ARHGAP32: variants seen among roughly 807,000 people sequenced by gnomAD.
ARHGAP32 encodes the protein rho GTPase-activating protein 32.
A neutral mutation model predicts 186.5 loss-of-function variants in ARHGAP32; 51 were observed. The observed-to-expected ratio is 0.27, with a 90% CI of 0.22 to 0.35. The LOEUF (loss-of-function observed/expected upper bound fraction) is 0.35, where lower values mean the gene tolerates loss of function less well. ARHGAP32 is among the 10% of genes least tolerant of loss of function. The pLI is 1.00. For missense variants in ARHGAP32, 2,186 were observed against 2,623.5 expected (o/e 0.83, Z 3.64); for synonymous variants, 950 against 964.3 (o/e 0.99, Z 0.27).
At chr11:129,104,541 A>T (rs1392821524) in intron 5 of ARHGAP32, among the ~76,000 whole-genome samples, 2 of 152,074 alleles carry the variant, frequency 1.3e-5, no homozygotes, top group East Asian at 3.8e-4. Flanking sequence ...AAGGAAGAGG[A>T]TAAAATTTTT....
At chr11:129,114,731 C>CT (rs1194250380) in intron 5 of ARHGAP32, among the ~76,000 whole-genome samples, 11 of 152,104 alleles carry the variant, frequency 7.2e-5, no homozygotes, top group Non-Finnish European at 5.9e-5. Context: ...TTAGAAATGG[C>CT]AAACAGGATT....
At chr11:129,248,561 G>C (rs1945135231) in intron 1 of ARHGAP32, among the ~76,000 whole-genome samples, 1 of 152,070 alleles carries the variant, frequency 6.6e-6, no homozygotes. Flanking sequence ...AAGCTAACTA[G>C]GACATTTTCC....
chr11:129,213,098 T>C (rs939219741), intron 1 of ARHGAP32, among the ~76,000 whole-genome samples: 3 of 152,156 alleles, frequency 2.0e-5, no homozygotes, highest in Admixed American at 1.3e-4. Flanking sequence ...TCAAATAAAA[T>C]ATAGTATAAG....
At position 128,978,672 on chromosome 11, in the gene ARHGAP32, G is replaced by A. The variant is rs181799888; in HGVS notation, c.2122+98C>T. The A allele has an allele frequency of 1.7e-5, 22 of 1,287,606 alleles. No individual in the cohort carries two copies. The Admixed American group carries it at 2.2e-4, about 13-fold the overall frequency. 79.8% of individuals were successfully genotyped at this position (1,287,606 alleles called of 1,614,324 possible). A position where few individuals can be genotyped will look rare whatever the true frequency, so the allele number is the denominator to read the frequency against. On this transcript the variant is annotated intron_variant, in intron 19 of 22. Transcript: ENST00000682385. ...GTATGTGTGACACAACTGTGAACACGTTATGGAAGCAGATCATAACAATAT... is the reference window on the plus strand; with the variant it reads ...GTATGTGTGACACAACTGTGAACACATTATGGAAGCAGATCATAACAATAT...
At chr11:129,058,149 G>A (rs1048325159) in intron 10 of ARHGAP32, among the ~76,000 whole-genome samples, 2 of 151,172 alleles carry the variant, frequency 1.3e-5, no homozygotes, top group Non-Finnish European at 2.9e-5. Context: ...AGAAGTATCA[G>A]TGGGTCATCT....
intron 2 of ARHGAP32, among the ~76,000 whole-genome samples, chr11:129,130,847 C>T (rs929851109): frequency 1.3e-5 from 2 of 152,030 alleles, no homozygotes; most frequent in South Asian, 2.1e-4. Flanking sequence ...AATATGTATC[C>T]CCCTAAATTA....
intron 1 of ARHGAP32, among the ~76,000 whole-genome samples, chr11:129,227,301 T>C (rs986806396): frequency 6.6e-6 from 1 of 151,968 alleles, no homozygotes; most frequent in African/African-American, 2.4e-5. Flanking sequence ...ATTAAAATTA[T>C]GCACTGGAAA....
chr11:128,970,308 CT>C lies in ARHGAP32; in HGVS notation c.4904del (p.Lys1635SerfsTer58), dbSNP rs756965006. 6.2e-7 allele frequency: 1 copy of C among 1,614,128 alleles called. No individual in the cohort carries two copies. The highest frequency in any genetic ancestry group is 2.2e-5 in the East Asian group (1 of 44,886). On this transcript the variant is annotated frameshift_variant, in exon 23 of 23. Transcript: ENST00000682385. LOFTEE classifies it high-confidence loss of function. This position sits in a 1 kb window ranked among gnomAD's most constrained non-coding sequence, Gnocchi z 5.8. Reference sequence around the variant, plus strand: ...AGCGGGCCTGGGAGGACTGATATGGCTTATATTGGTACAGAGGTCTTGGGCA... The same window carrying C: ...AGCGGGCCTGGGAGGACTGATATGGCTATATTGGTACAGAGGTCTTGGGCA... ...AYCPRPLYQY[K>X]PYQSSQARSD...
intron 5 of ARHGAP32, among the ~76,000 whole-genome samples, chr11:129,103,596 T>C (rs1941965639): frequency 6.6e-6 from 1 of 151,920 alleles, no homozygotes; most frequent in African/African-American, 2.4e-5. Context: ...AAACATATCA[T>C]AATTATAATT....
At position 129,247,012 on chromosome 11, in the gene ARHGAP32, C is replaced by A. The variant is rs1945109514; in HGVS notation, c.-5+32134G>T. On this transcript the variant is annotated intron_variant, in intron 1 of 6. Transcript: ENST00000525234. Reference sequence around the variant, plus strand: ...ATTTCCCACAGAGTACCTCTTTTTTCCTCACTAGGTCTACCTTCCACGCTC... The same window carrying A: ...ATTTCCCACAGAGTACCTCTTTTTTACTCACTAGGTCTACCTTCCACGCTC... Among the ~76,000 whole-genome samples, 4 of 151,926 alleles carry A rather than the reference C, an allele frequency of 2.6e-5. No individual in the cohort carries two copies. The South Asian group carries it at 8.3e-4, about 32-fold the overall frequency.
intron 2 of ARHGAP32, among the ~76,000 whole-genome samples, chr11:129,147,675 T>A (rs1463015581): frequency 6.6e-6 from 1 of 152,206 alleles, no homozygotes. Flanking sequence ...CAGATTTACA[T>A]CCATATGCAT....
At chr11:129,081,253 A>G (rs566767820) in intron 6 of ARHGAP32, among the ~76,000 whole-genome samples, 99 of 152,154 alleles carry the variant, frequency 6.5e-4, no homozygotes, top group African/African-American at 2.3e-3. Flanking sequence ...TCTTCCCTAA[A>G]TCATTCTATG....
chr11:129,255,006 T>A (rs1439709240), intron 1 of ARHGAP32, among the ~76,000 whole-genome samples: 1 of 152,120 alleles, frequency 6.6e-6, no homozygotes, highest in Non-Finnish European at 1.5e-5. Context: ...TGAGGGATGC[T>A]GTATGGTCAA....
chr11:129,050,490 G>A (rs1939998745), intron 10 of ARHGAP32, among the ~76,000 whole-genome samples: 1 of 152,144 alleles, frequency 6.6e-6, no homozygotes, highest in Admixed American at 6.5e-5. Context: ...ACAGGCACAT[G>A]CTACTGAGCT....
intron 5 of ARHGAP32, among the ~76,000 whole-genome samples, chr11:129,111,558 C>A (rs753728835): frequency 2.0e-5 from 3 of 152,116 alleles, no homozygotes; most frequent in African/African-American, 7.2e-5. Context: ...CTTTTTGTTA[C>A]TAATTCAATC....
chr11:129,252,717 G>A (rs1945201531), intron 1 of ARHGAP32, among the ~76,000 whole-genome samples: 1 of 152,164 alleles, frequency 6.6e-6, no homozygotes, highest in African/African-American at 2.4e-5. Flanking sequence ...AGCATGCAAA[G>A]AGGTAAATGA....
intron 15 of ARHGAP32, among the ~76,000 whole-genome samples, chr11:128,984,347 C>A (rs1376474603): frequency 1.3e-5 from 2 of 151,786 alleles, no homozygotes; most frequent in Non-Finnish European, 2.9e-5. Context: ...TGCACTCCAG[C>A]CTGGGTAACA....
At chr11:129,249,592 CT>C (rs914043137) in intron 1 of ARHGAP32, among the ~76,000 whole-genome samples, 41 of 152,268 alleles carry the variant, frequency 2.7e-4, no homozygotes, top group African/African-American at 9.4e-4. Flanking sequence ...ACATGAAAAT[CT>C]ATCCCGAACT....
At chr11:129,006,104 A>G (rs1937752888) in intron 11 of ARHGAP32, among the ~76,000 whole-genome samples, 1 of 152,140 alleles carries the variant, frequency 6.6e-6, no homozygotes, top group Non-Finnish European at 1.5e-5. Flanking sequence ...TCTCTTAAAC[A>G]TATCTGATAG....
Sources: gnomAD v4.1 joint callset for allele counts (sites outside exome capture counted in the v4.1 genomes callset) on GRCh38, gnomAD v4.1.1 for gene constraint, Gnocchi (gnomAD v3.1) non-coding constraint, MANE v1.5 for transcripts, NCBI Gene and HGNC (gene_info 2026-07-23, HGNC 2026-07-21) for gene names.